CTDSPL: variants seen among roughly 807,000 people sequenced by gnomAD.
CTDSPL encodes the protein CTD small phosphatase-like protein.
In CTDSPL, 8 loss-of-function variants were observed where a neutral mutation model predicts 30.5. The observed-to-expected ratio is 0.26, with a 90% CI of 0.15 to 0.47. The LOEUF (loss-of-function observed/expected upper bound fraction) is 0.47, where lower values mean the gene tolerates loss of function less well. Ranked by LOEUF, CTDSPL falls within the 20% of genes least tolerant of loss-of-function variation. CTDSPL has a pLI of 0.99. For synonymous variants in CTDSPL, 110 were observed against 137.9 expected (o/e 0.80, Z 1.42); for missense variants, 248 against 366.1 (o/e 0.68, Z 2.63).
intron 2 of CTDSPL, chr3:37,954,921 G>A (rs1699153658): frequency 6.6e-6 from 1 of 152,226 alleles, no homozygotes; most frequent in African/African-American, 2.4e-5. Context: ...TAAGCTTCTA[G>A]GGTAATTTTC....
chr3:37,951,247 A>G (rs980085974), intron 2 of CTDSPL, among the ~76,000 whole-genome samples: 2 of 152,186 alleles, frequency 1.3e-5, no homozygotes, highest in African/African-American at 4.8e-5. Context: ...GGGCACCTGT[A>G]GTCCCAGCTA....
chr3:37,872,548 T>C (rs1698085780), intron 1 of CTDSPL, among the ~76,000 whole-genome samples: 2 of 148,854 alleles, frequency 1.3e-5, no homozygotes, highest in Non-Finnish European at 3.0e-5. Flanking sequence ...TCTTTTTTTT[T>C]TTTTTTTTTT....
intron 1 of CTDSPL, among the ~76,000 whole-genome samples, chr3:37,896,196 T>A (rs1380518092): frequency 3.3e-5 from 5 of 152,170 alleles, no homozygotes; most frequent in Admixed American, 6.5e-5. Flanking sequence ...GATACAAACA[T>A]ACAAATGATT....
chr3:37,881,854 A>G (rs1436620118), intron 1 of CTDSPL, among the ~76,000 whole-genome samples: 1 of 152,236 alleles, frequency 6.6e-6, no homozygotes, highest in East Asian at 1.9e-4. Flanking sequence ...GATAGGGATC[A>G]GGAAGGGGTA....
chr3:37,912,574 G>A (rs1467585468), intron 1 of CTDSPL, among the ~76,000 whole-genome samples: 1 of 152,148 alleles, frequency 6.6e-6, no homozygotes, highest in Non-Finnish European at 1.5e-5. Flanking sequence ...ATGCGGTACT[G>A]GGGACGTGGG....
At chr3:37,925,840 G>GACACAC (rs143893590) in intron 1 of CTDSPL, among the ~76,000 whole-genome samples, 14 of 147,684 alleles carry the variant, frequency 9.5e-5, no homozygotes, top group African/African-American at 2.7e-4. Context: ...AGTACACACA[G>GACACAC]ACACACACAC....
intron 1 of CTDSPL, among the ~76,000 whole-genome samples, chr3:37,863,692 T>G (rs1401110099): frequency 6.6e-6 from 1 of 152,190 alleles, no homozygotes; most frequent in African/African-American, 2.4e-5. Flanking sequence ...GTGCAGCCCC[T>G]GCTAGAAATC....
intron 1 of CTDSPL, among the ~76,000 whole-genome samples, chr3:37,928,613 G>T (rs988422493): frequency 6.6e-6 from 1 of 152,102 alleles, no homozygotes; most frequent in Admixed American, 6.5e-5. Context: ...TTTTAATCAG[G>T]TTATTTGGGT....
chr3:37,939,925 C>G (rs1296508611), intron 1 of CTDSPL, among the ~76,000 whole-genome samples: 1 of 132,986 alleles, frequency 7.5e-6, no homozygotes, highest in Non-Finnish European at 1.7e-5. Flanking sequence ...AACCCCGTCT[C>G]TACTAAAAAT....
At chr3:37,898,641 C>T (rs1159692071) in intron 1 of CTDSPL, among the ~76,000 whole-genome samples, 6 of 152,120 alleles carry the variant, frequency 3.9e-5, no homozygotes, top group African/African-American at 1.4e-4. Flanking sequence ...TATTTGGTCA[C>T]TCAGCAGATA....
chr3:37,975,758 C>T lies in CTDSPL; in HGVS notation c.569C>T (p.Ala190Val). The T allele has an allele frequency of 6.2e-7, 1 of 1,614,008 alleles. No homozygotes were observed. Among genetic ancestry groups the T allele is most frequent in the Non-Finnish European group, 8.5e-7 (1 of 1,179,992 alleles). The change falls in exon 7 of 8, where the codon GCC (alanine) becomes GTC (valine). Residue 190 changes from alanine to valine, a missense_variant. Physicochemically the swap from Ala to Val is moderately conservative, Grantham distance 64 (BLOSUM62 0). Around this residue, in one of 4 missense-constraint regions of CTDSPL, gnomAD observed 84 missense variants for 139.4 expected, o/e 0.60. Transcript: ENST00000273179. The surrounding 1 kb of genome is among the most constrained non-coding windows in gnomAD (Gnocchi z 4.9). ...CTAGACCGCTGGGGTGTGTTCCGGGCCCGGCTCTTCAGAGAATCATGTGTT... is the reference window on the plus strand; with the variant it reads ...CTAGACCGCTGGGGTGTGTTCCGGGTCCGGCTCTTCAGAGAATCATGTGTT... Reference protein sequence around the residue: ...DLLDRWGVFRARLFRESCVFH... With the variant: ...DLLDRWGVFRVRLFRESCVFH...
intron 1 of CTDSPL, among the ~76,000 whole-genome samples, chr3:37,915,172 A>T (rs971218752): frequency 8.5e-5 from 13 of 152,184 alleles, no homozygotes; most frequent in African/African-American, 3.1e-4. Context: ...TATTCATTAA[A>T]TGAATTGTTG....
At chr3:37,885,727 A>C (rs373950838) in intron 1 of CTDSPL, among the ~76,000 whole-genome samples, 4 of 152,282 alleles carry the variant, frequency 2.6e-5, no homozygotes, top group African/African-American at 9.6e-5. Flanking sequence ...GGTCTGGGGT[A>C]CAGGTGAGCA....
intron 1 of CTDSPL, among the ~76,000 whole-genome samples, chr3:37,925,012 T>G (rs1211094350): frequency 6.6e-6 from 1 of 152,162 alleles, no homozygotes; most frequent in Non-Finnish European, 1.5e-5. Flanking sequence ...CCCACTCTGG[T>G]CTCACCTAGT....
chr3:37,881,193 G>A (rs2125592273), intron 1 of CTDSPL, among the ~76,000 whole-genome samples: 1 of 152,056 alleles, frequency 6.6e-6, no homozygotes, highest in Admixed American at 6.6e-5. Context: ...ATTCTCTTTA[G>A]GTATATACTC....
At chr3:37,882,162 G>A (rs1206379605) in intron 1 of CTDSPL, among the ~76,000 whole-genome samples, 7 of 152,100 alleles carry the variant, frequency 4.6e-5, no homozygotes, top group African/African-American at 1.4e-4. Context: ...ACAAATATTG[G>A]CTGGGCACGG....
chr3:37,933,967 C>T (rs993172450), intron 1 of CTDSPL, among the ~76,000 whole-genome samples: 3 of 152,254 alleles, frequency 2.0e-5, no homozygotes, highest in East Asian at 3.9e-4. Flanking sequence ...AAGGAAACAA[C>T]ATAAATGTCC....
chr3:37,975,996 C>G lies in CTDSPL; in HGVS notation c.705+102C>G, dbSNP rs1420695785. 4.0e-6 allele frequency: 5 copies of G among 1,246,894 alleles called. No homozygotes were observed. Among genetic ancestry groups the G allele is most frequent in the African/African-American group, 1.5e-5 (1 of 66,528 alleles). 77.2% of individuals were successfully genotyped at this position (1,246,894 alleles called of 1,614,324 possible). A position where few individuals can be genotyped will look rare whatever the true frequency, so the allele number is the denominator to read the frequency against. On this transcript the variant is annotated intron_variant, in intron 7 of 7. Transcript: ENST00000273179. The surrounding 1 kb of genome is among the most constrained non-coding windows in gnomAD (Gnocchi z 4.9). The stretch of plus-strand genomic sequence containing the variant: ...CACCTACACAAGAAGGTCTCTGGGC[C>G]TTTTCCTAATGAAATCCCAGCTCTG...
At chr3:37,961,837 T>C (rs952864237) in intron 3 of CTDSPL, among the ~76,000 whole-genome samples, 6 of 152,150 alleles carry the variant, frequency 3.9e-5, no homozygotes, top group Non-Finnish European at 8.8e-5. Context: ...ATCTGTAAGA[T>C]TTATGAGAGT....
Sources: allele counts gnomAD v4.1 joint callset (sites outside exome capture counted in the v4.1 genomes callset), GRCh38; gene constraint gnomAD v4.1.1; regional missense constraint gnomAD v4.1.1; non-coding constraint Gnocchi (gnomAD v3.1); transcripts MANE v1.5; gene names NCBI Gene and HGNC (gene_info 2026-07-23, HGNC 2026-07-21).